Variants in DLG5 observed in about 807,000 individuals in gnomAD.
DLG5 encodes discs large MAGUK scaffold protein 5.
A neutral mutation model predicts 189.8 loss-of-function variants in DLG5; 48 were observed. The ratio of observed to expected loss-of-function variants is 0.25; its 90% CI spans 0.20 to 0.32. DLG5 has a LOEUF of 0.32. Among genes scored for constraint, DLG5 ranks in the 10% least tolerant of loss-of-function variants. DLG5 has a pLI of 1.00. For synonymous variants in DLG5, 1,016 were observed against 1,054.1 expected (o/e 0.96, Z 0.70); for missense variants, 2,160 against 2,544.7 (o/e 0.85, Z 3.25).
intron 27 of DLG5, among the ~76,000 whole-genome samples, chr10:77,797,375 A>G (rs1331805074): frequency 6.6e-6 from 1 of 152,214 alleles, no homozygotes; most frequent in East Asian, 1.9e-4. Context: ...CTGTGCTGGA[A>G]TCTCAGAAAC....
At chr10:77,856,222 C>T (rs141863851) in intron 3 of DLG5, among the ~76,000 whole-genome samples, 2,465 of 152,084 alleles carry the variant, frequency 0.016, 71 homozygotes, top group African/African-American at 0.055. Context: ...CATGGTGGCA[C>T]ACACCTATAG....
At chr10:77,925,261 A>G (rs562912404) in intron 1 of DLG5, among the ~76,000 whole-genome samples, 1 of 152,308 alleles carries the variant, frequency 6.6e-6, no homozygotes, top group South Asian at 2.1e-4. Flanking sequence ...ACATAGTGGC[A>G]ACGACAACTG....
intron 1 of DLG5, among the ~76,000 whole-genome samples, chr10:77,901,249 T>C (rs935484688): frequency 1.3e-5 from 2 of 152,216 alleles, no homozygotes; most frequent in Non-Finnish European, 2.9e-5. Context: ...CTCCCTAATG[T>C]GGACCATTCA....
chr10:77,841,178 C>T lies in DLG5; in HGVS notation c.1437+703G>A, dbSNP rs555370706. Among the ~76,000 whole-genome samples, 8 of 152,260 alleles carry T rather than the reference C, an allele frequency of 5.3e-5. No homozygotes were observed. The East Asian group carries it at 9.7e-4, about 18-fold the overall frequency. On this transcript the variant is annotated intron_variant, in intron 7 of 31. Transcript: ENST00000372391. ...ATCTCCATGGGCCCATCCAAGCCCC[C>T]GCAGGGCTCAGCTAGACCTAGGGCA...
chr10:77,826,344 G>A (rs913346955), intron 13 of DLG5, among the ~76,000 whole-genome samples: 1 of 152,204 alleles, frequency 6.6e-6, no homozygotes. Flanking sequence ...AGACGTGAAT[G>A]TGGGCTGGGC....
chr10:77,887,146 A>G (rs2801826), intron 1 of DLG5, among the ~76,000 whole-genome samples: 111,281 of 152,126 alleles, frequency 0.73, 41,534 homozygotes, highest in African/African-American at 0.89. Flanking sequence ...TTCAGCCCCC[A>G]GGACAAACGT....
chr10:77,845,934 T>TTA (rs1469191502), intron 5 of DLG5, among the ~76,000 whole-genome samples: 2 of 97,518 alleles, frequency 2.1e-5, no homozygotes, highest in Non-Finnish European at 3.9e-5. Flanking sequence ...AATCTTTCTT[T>TTA]AAAAAAAAAA....
chr10:77,927,113 T>TCCTCTCTCCCCTCCCC (rs1426907929), upstream of DLG5: 4 of 172,444 alleles, frequency 2.3e-5, no homozygotes, highest in Non-Finnish European at 4.7e-5. Flanking sequence ...GGCCCGTCCC[T>TCCTCTCTCCCCTCCCC]CCTCTCTCCC....
chr10:77,913,866 G>A (rs374463034), intron 1 of DLG5, among the ~76,000 whole-genome samples: 3 of 152,086 alleles, frequency 2.0e-5, no homozygotes, highest in East Asian at 3.9e-4. Flanking sequence ...TGGGATTACA[G>A]GTATAAGCCA....
At chr10:77,908,464 G>A (rs1589273876) in intron 1 of DLG5, among the ~76,000 whole-genome samples, 1 of 152,172 alleles carries the variant, frequency 6.6e-6, no homozygotes, top group East Asian at 1.9e-4. Context: ...AAGAGAACCA[G>A]CCCAGAGAGA....
At chr10:77,927,006 G>A (rs1846722167), upstream of DLG5, 2 of 336,830 alleles carry the variant, frequency 5.9e-6, no homozygotes, top group Middle Eastern at 5.2e-4. Flanking sequence ...CTCCGGCCCG[G>A]CTCGGAGGCC....
intron 1 of DLG5, among the ~76,000 whole-genome samples, chr10:77,895,645 T>C (rs1261286909): frequency 1.3e-5 from 2 of 152,208 alleles, no homozygotes; most frequent in Non-Finnish European, 2.9e-5. Context: ...AAAAAAAGGA[T>C]AGCAGATGTC....
chr10:77,814,763 C>T (rs1056200776), intron 20 of DLG5, among the ~76,000 whole-genome samples: 5 of 151,818 alleles, frequency 3.3e-5, no homozygotes, highest in South Asian at 2.1e-4. Context: ...TTAGTAGAGA[C>T]GGGGTTTCAC....
chr10:77,856,565 C>G (rs1325990906), intron 3 of DLG5, among the ~76,000 whole-genome samples, 165 bp downstream of exon 3: 1 of 152,096 alleles, frequency 6.6e-6, no homozygotes, highest in Non-Finnish European at 1.5e-5. Context: ...GCCTGTGGGT[C>G]CTGCCCCTGG....
intron 1 of DLG5, among the ~76,000 whole-genome samples, chr10:77,924,047 T>G (rs140003252): frequency 0.057 from 8,680 of 152,128 alleles, 311 homozygotes; most frequent in African/African-American, 0.076. Flanking sequence ...GTATTTTTAT[T>G]AGAGACGGGG....
chr10:77,806,953 C>A (rs376325901), intron 25 of DLG5, 25 bp from the exon 26 acceptor site: 2 of 1,595,060 alleles, frequency 1.3e-6, no homozygotes, highest in East Asian at 4.5e-5. Flanking sequence ...AGAAGGAACA[C>A]GATCAGGCGG....
Position 77,821,230 on chromosome 10 carries a change from G to A in DLG5, c.3254C>T (p.Ser1085Phe). 6.2e-7 allele frequency: 1 copy of A among 1,614,104 alleles called. No individual in the cohort carries two copies. The change falls in exon 15 of 32, where the codon TCC (serine) becomes TTC (phenylalanine). Residue 1085 changes from serine to phenylalanine, a missense_variant. Physicochemically the swap from Ser to Phe is radical, Grantham distance 155. Transcript: ENST00000372391. The stretch of plus-strand genomic sequence containing the variant: ...GGATTTCTTGGCCGGCAGGTGGGAG[G>A]AGTCCCCATCTCCTTCAGGGTAGTA... ...SSYYPEGDGDSSHLPAKKSCD... is the reference protein window; with the variant it reads ...SSYYPEGDGDFSHLPAKKSCD...
intron 21 of DLG5, 66 bp downstream of exon 21, chr10:77,812,146 TAGG>T: frequency 1.3e-6 from 2 of 1,596,080 alleles, no homozygotes; most frequent in Non-Finnish European, 1.7e-6. Context: ...TGCTGTTCCC[TAGG>T]AGGAGGAGAG....
intron 26 of DLG5, chr10:77,806,115 G>C (rs1032792509): frequency 4.4e-6 from 2 of 454,834 alleles, no homozygotes; most frequent in East Asian, 3.3e-5. Flanking sequence ...ATTCAGCTCG[G>C]TGTCAAAAGG....
Sources: gnomAD v4.1 joint callset for allele counts (sites outside exome capture counted in the v4.1 genomes callset) on GRCh38, gnomAD v4.1.1 for gene constraint, MANE v1.5 for transcripts, NCBI Gene and HGNC (gene_info 2026-07-23, HGNC 2026-07-21) for gene names.